Variants in RNF144A observed in about 807,000 individuals in gnomAD.
RNF144A encodes the protein E3 ubiquitin-protein ligase RNF144A.
RNF144A carries 11 observed loss-of-function variants against 38.7 expected under a neutral mutation model. That is an observed-to-expected ratio of 0.28 (90% CI 0.18 to 0.47). The LOEUF is 0.47. RNF144A is among the 20% of genes least tolerant of loss of function. The pLI, the probability that RNF144A is intolerant of heterozygous loss-of-function variation, is 0.99. For missense variants in RNF144A, 316 were observed against 377.2 expected (o/e 0.84, Z 1.34); for synonymous variants, 149 against 143.9 (o/e 1.04, Z -0.25).
chr2:7,068,833 G>A (rs1674343979), downstream of RNF144A, among the ~76,000 whole-genome samples: 1 of 152,182 alleles, frequency 6.6e-6, no homozygotes, highest in Non-Finnish European at 1.5e-5. Context: ...GGACCCAAGG[G>A]GCTTGCATAG....
At chr2:7,008,149 C>G (rs1278708958) in intron 3 of RNF144A, among the ~76,000 whole-genome samples, 1 of 152,230 alleles carries the variant, frequency 6.6e-6, no homozygotes, top group Admixed American at 6.5e-5. Flanking sequence ...TCTCTGGCTT[C>G]CCGGGCTCAG....
chr2:6,990,452 A>G (rs1669275617), intron 2 of RNF144A, among the ~76,000 whole-genome samples: 1 of 126,816 alleles, frequency 7.9e-6, no homozygotes, highest in Admixed American at 8.0e-5. Flanking sequence ...ATATATATAT[A>G]TAATATATAA....
chr2:6,942,913 G>A (rs1572233478), intron 2 of RNF144A, among the ~76,000 whole-genome samples: 1 of 152,202 alleles, frequency 6.6e-6, no homozygotes, highest in East Asian at 1.9e-4. Flanking sequence ...GAACCTGGGA[G>A]GCGGAGGTCG....
intron 1 of RNF144A, among the ~76,000 whole-genome samples, chr2:6,923,348 A>G (rs1664661252): frequency 6.6e-6 from 1 of 152,184 alleles, no homozygotes; most frequent in African/African-American, 2.4e-5. Context: ...TTGTGTGTTA[A>G]GCCTGTCGGT....
chr2:6,937,462 G>A (rs1401414319), intron 1 of RNF144A, among the ~76,000 whole-genome samples: 1 of 152,192 alleles, frequency 6.6e-6, no homozygotes, highest in Non-Finnish European at 1.5e-5. Flanking sequence ...AGCTGGGAAA[G>A]GCTTCATTTG....
chr2:7,003,087 A>G (rs1437380842), intron 3 of RNF144A, among the ~76,000 whole-genome samples: 1 of 152,212 alleles, frequency 6.6e-6, no homozygotes, highest in Non-Finnish European at 1.5e-5. Context: ...TACTATGTAT[A>G]TATTTGTACG....
chr2:6,970,641 A>G (rs1316671878), intron 2 of RNF144A, among the ~76,000 whole-genome samples: 2 of 152,150 alleles, frequency 1.3e-5, no homozygotes, highest in Non-Finnish European at 2.9e-5. Context: ...TATACAGGAG[A>G]AAACTGAGGC....
intron 6 of RNF144A, among the ~76,000 whole-genome samples, chr2:7,054,814 C>A (rs993529081): frequency 2.0e-5 from 3 of 152,150 alleles, no homozygotes. Context: ...TTATCAATTA[C>A]CCAGTCTAAG....
intron 1 of RNF144A, among the ~76,000 whole-genome samples, chr2:6,922,688 A>G (rs886431334): frequency 1.7e-4 from 25 of 149,342 alleles, no homozygotes; most frequent in African/African-American, 5.9e-4. Context: ...GTAGTGGTGC[A>G]ATCTCAGCTC....
At chr2:6,946,554 G>C (rs1165440406) in intron 2 of RNF144A, among the ~76,000 whole-genome samples, 1 of 151,888 alleles carries the variant, frequency 6.6e-6, no homozygotes, top group African/African-American at 2.4e-5. Context: ...TATAGTCAAT[G>C]TAAAAACATT....
At chr2:6,997,728 G>A (rs562134682) in intron 3 of RNF144A, among the ~76,000 whole-genome samples, 28 of 152,218 alleles carry the variant, frequency 1.8e-4, no homozygotes, top group South Asian at 4.1e-4. Flanking sequence ...GTCCATTCAA[G>A]GAATGAAAAA....
chr2:7,068,508 T>C (rs940350895), downstream of RNF144A, among the ~76,000 whole-genome samples: 2 of 152,140 alleles, frequency 1.3e-5, no homozygotes, highest in Non-Finnish European at 2.9e-5. Flanking sequence ...GAGAGGGTGA[T>C]AGCAGTGATT....
intron 1 of RNF144A, among the ~76,000 whole-genome samples, chr2:6,936,922 G>A (rs1665628801): frequency 6.6e-6 from 1 of 151,512 alleles, no homozygotes; most frequent in Non-Finnish European, 1.5e-5. Context: ...CATAGTCTGA[G>A]CTCCTTGACA....
intron 6 of RNF144A, among the ~76,000 whole-genome samples, chr2:7,060,063 T>C (rs563192816): frequency 9.8e-5 from 15 of 152,322 alleles, no homozygotes; most frequent in African/African-American, 3.6e-4. Flanking sequence ...TGAAACGTTA[T>C]CCATGTTCTG....
Position 6,917,614 on chromosome 2 carries a change from C to G in RNF144A, c.-220C>G, listed in dbSNP as rs1469329457. On this transcript the variant is annotated 5_prime_UTR_variant, in exon 1 of 9. Transcript: ENST00000320892. This position sits in a 1 kb window ranked among gnomAD's most constrained non-coding sequence, Gnocchi z 4.8. ...GTCAGAGCCGCGCACCGCGGACGAG[C>G]AGGCCCAGGTAGAGTGACGCGCGTC... The G allele has an allele frequency of 6.8e-6, 1 of 147,872 alleles. No homozygotes were observed. The highest frequency in any genetic ancestry group is 2.0e-4 in the East Asian group (1 of 5,076). 9.2% of individuals were successfully genotyped at this position (147,872 alleles called of 1,614,324 possible). A position where few individuals can be genotyped will look rare whatever the true frequency, so the allele number is the denominator to read the frequency against.
chr2:7,036,514 A>G (rs1299786964), intron 8 of RNF144A, among the ~76,000 whole-genome samples: 1 of 152,184 alleles, frequency 6.6e-6, no homozygotes, highest in African/African-American at 2.4e-5. Context: ...TTCTAAGGGT[A>G]TTTCTCACTG....
At chr2:6,942,319 C>T (rs1308935006) in intron 2 of RNF144A, among the ~76,000 whole-genome samples, 4 of 151,424 alleles carry the variant, frequency 2.6e-5, no homozygotes, top group African/African-American at 4.9e-5. Flanking sequence ...TCTCAGAGGA[C>T]GTTGCAGAGG....
At chr2:7,019,862 C>G (rs2103427907) in intron 5 of RNF144A, among the ~76,000 whole-genome samples, 1 of 152,306 alleles carries the variant, frequency 6.6e-6, no homozygotes, top group African/African-American at 2.4e-5. Flanking sequence ...AAATCTGGCC[C>G]TTGAAGGATT....
intron 2 of RNF144A, among the ~76,000 whole-genome samples, chr2:6,989,059 G>A (rs571289848): frequency 6.6e-6 from 1 of 152,140 alleles, no homozygotes; most frequent in African/African-American, 2.4e-5. Flanking sequence ...CCTAGTTTCG[G>A]TAACTGGAAC....
Sources: gnomAD v4.1 joint callset for allele counts (sites outside exome capture counted in the v4.1 genomes callset) on GRCh38, gnomAD v4.1.1 for gene constraint, Gnocchi (gnomAD v3.1) non-coding constraint, MANE v1.5 for transcripts, NCBI Gene and HGNC (gene_info 2026-07-23, HGNC 2026-07-21) for gene names.